Variants in PHACTR1 observed in about 807,000 individuals in gnomAD.
PHACTR1 encodes the protein RPEL repeat containing 1.
PHACTR1 carries 16 observed loss-of-function variants against 69.2 expected under a neutral mutation model. The observed-to-expected ratio is 0.23, with a 90% CI of 0.16 to 0.35. The LOEUF (loss-of-function observed/expected upper bound fraction) is 0.35. Ranked by LOEUF, PHACTR1 falls within the 10% of genes least tolerant of loss-of-function variation. The pLI is 1.00. For missense variants in PHACTR1, 510 were observed against 734.7 expected (o/e 0.69, Z 3.54); for synonymous variants, 312 against 284.5 (o/e 1.10, Z -0.97).
chr6:12,906,340 G>C (rs1412475689), intron 4 of PHACTR1, among the ~76,000 whole-genome samples: 4 of 152,132 alleles, frequency 2.6e-5, no homozygotes, highest in Non-Finnish European at 4.4e-5. Context: ...TATGATCATA[G>C]AGCTAGAGTG....
intron 4 of PHACTR1, among the ~76,000 whole-genome samples, chr6:12,756,851 A>G (rs558496401): frequency 2.6e-5 from 4 of 152,330 alleles, no homozygotes; most frequent in Admixed American, 2.6e-4. Context: ...CGAATATTAA[A>G]TCATGGTTTA....
chr6:13,286,106 T>G, intron 13 of PHACTR1, 40 bp from the exon 14 acceptor site: 1 of 1,536,110 alleles, frequency 6.5e-7, no homozygotes, highest in Non-Finnish European at 8.8e-7. Flanking sequence ...TTTTTCTGTC[T>G]CTCTCCCATT....
intron 4 of PHACTR1, among the ~76,000 whole-genome samples, chr6:12,918,103 C>T (rs533156322): frequency 6.6e-6 from 1 of 152,304 alleles, no homozygotes; most frequent in Admixed American, 6.5e-5. Context: ...GTGTTATTCC[C>T]AGGCAAACAA....
intron 3 of PHACTR1, among the ~76,000 whole-genome samples, chr6:12,743,156 C>T (rs1365801186): frequency 7.1e-6 from 1 of 139,982 alleles, no homozygotes; most frequent in African/African-American, 2.6e-5. Flanking sequence ...CTTGTTAGTT[C>T]ACAAGAATAA....
intron 5 of PHACTR1, among the ~76,000 whole-genome samples, chr6:13,158,311 A>G (rs530763143): frequency 1.6e-4 from 25 of 152,174 alleles, no homozygotes; most frequent in Non-Finnish European, 3.1e-4. Flanking sequence ...ATATAATGTC[A>G]TCTGGTTTGA....
intron 4 of PHACTR1, among the ~76,000 whole-genome samples, chr6:12,843,509 C>A (rs1434190946): frequency 2.0e-5 from 3 of 152,146 alleles, no homozygotes; most frequent in African/African-American, 7.2e-5. Context: ...AGAAAGATTG[C>A]TTTACCTAGA....
intron 12 of PHACTR1, among the ~76,000 whole-genome samples, 185 bp downstream of exon 12, chr6:13,278,514 G>A (rs1779437828): frequency 6.6e-6 from 1 of 152,142 alleles, no homozygotes; most frequent in African/African-American, 2.4e-5. Context: ...CCTTTCAGCT[G>A]GTGACACTCA....
chr6:13,233,008 C>T (rs1456074756), intron 10 of PHACTR1, among the ~76,000 whole-genome samples: 3 of 152,180 alleles, frequency 2.0e-5, no homozygotes, highest in Non-Finnish European at 4.4e-5. Flanking sequence ...CTCTTCTGTG[C>T]CAAGTGTGAG....
intron 5 of PHACTR1, among the ~76,000 whole-genome samples, chr6:13,068,679 A>G (rs997138795): frequency 2.0e-5 from 3 of 152,156 alleles, no homozygotes; most frequent in African/African-American, 7.2e-5. Flanking sequence ...TTTCTTCACT[A>G]AAGTATTTCC....
intron 12 of PHACTR1, chr6:13,281,369 T>C (rs1584438156): frequency 3.0e-6 from 1 of 330,732 alleles, no homozygotes; most frequent in Admixed American, 4.1e-5. Flanking sequence ...GTCTGGGCAA[T>C]ATGGCGAAAC....
At chr6:13,022,936 G>A (rs1373348373) in intron 4 of PHACTR1, among the ~76,000 whole-genome samples, 1 of 152,068 alleles carries the variant, frequency 6.6e-6, no homozygotes, top group East Asian at 1.9e-4. Context: ...AGGATCACCT[G>A]AGCCCAGGAG....
At chr6:12,987,199 T>A (rs995821395) in intron 4 of PHACTR1, among the ~76,000 whole-genome samples, 2 of 152,092 alleles carry the variant, frequency 1.3e-5, no homozygotes, top group African/African-American at 4.8e-5. Context: ...ATTCTGCAGG[T>A]GAGTGAGAGA....
intron 4 of PHACTR1, among the ~76,000 whole-genome samples, chr6:12,982,672 A>G (rs1795666631): frequency 6.6e-6 from 1 of 152,068 alleles, no homozygotes; most frequent in Non-Finnish European, 1.5e-5. Flanking sequence ...ACATAAATAA[A>G]CAAACAAACC....
chr6:12,817,479 G>C (rs1001180769), intron 4 of PHACTR1, among the ~76,000 whole-genome samples: 1 of 152,194 alleles, frequency 6.6e-6, no homozygotes, highest in African/African-American at 2.4e-5. Flanking sequence ...CCTTGGACGA[G>C]TTTATCTTTC....
intron 5 of PHACTR1, among the ~76,000 whole-genome samples, chr6:13,147,939 G>A (rs1823659525): frequency 6.6e-6 from 1 of 152,112 alleles, no homozygotes; most frequent in Non-Finnish European, 1.5e-5. Flanking sequence ...GCCCCTTAAT[G>A]TACCTTTCTA....
intron 4 of PHACTR1, among the ~76,000 whole-genome samples, chr6:13,013,249 A>T (rs1423150012): frequency 3.9e-5 from 6 of 152,130 alleles, no homozygotes; most frequent in Admixed American, 6.5e-5. Flanking sequence ...CTTTTTAATG[A>T]CCCTGGCGTT....
At chr6:12,795,624 G>A (rs1179584760) in intron 4 of PHACTR1, among the ~76,000 whole-genome samples, 2 of 152,156 alleles carry the variant, frequency 1.3e-5, no homozygotes, top group African/African-American at 2.4e-5. Flanking sequence ...AGAGGAGAGG[G>A]CGAGAAGGGT....
chr6:13,173,943 G>A (rs1760972432), intron 6 of PHACTR1, among the ~76,000 whole-genome samples: 3 of 152,206 alleles, frequency 2.0e-5, no homozygotes, highest in Admixed American at 6.5e-5. Context: ...TCTTGACCTC[G>A]TGATTCACCT....
intron 4 of PHACTR1, among the ~76,000 whole-genome samples, chr6:12,936,858 G>A (rs887968086): frequency 2.6e-5 from 4 of 152,168 alleles, no homozygotes; most frequent in Non-Finnish European, 4.4e-5. Flanking sequence ...CTGCAGTTTC[G>A]AGGGCCACTG....
Sources: allele counts gnomAD v4.1 joint callset (sites outside exome capture counted in the v4.1 genomes callset), GRCh38; gene constraint gnomAD v4.1.1; transcripts MANE v1.5; gene names NCBI Gene and HGNC (gene_info 2026-07-23, HGNC 2026-07-21).